Variants in MDN1 observed in about 807,000 individuals in gnomAD.
MDN1 encodes midasin AAA ATPase 1.
MDN1 carries 266 observed loss-of-function variants against 669.2 expected under a neutral mutation model. That is an observed-to-expected ratio of 0.40 (90% CI 0.36 to 0.44). The LOEUF is 0.44. Ranked by LOEUF, MDN1 falls within the 20% of genes least tolerant of loss-of-function variation. The pLI is 1.00. For missense variants in MDN1, 5,940 were observed against 6,754.0 expected (o/e 0.88, Z 4.22); for synonymous variants, 2,385 against 2,457.1 (o/e 0.97, Z 0.87).
Position 89,696,388 on chromosome 6 carries a change from T to A in MDN1, c.9355A>T (p.Met3119Leu). 6.2e-7 allele frequency: 1 copy of A among 1,614,138 alleles called. No homozygotes were observed. Among genetic ancestry groups the A allele is most frequent in the South Asian group, 1.1e-5 (1 of 91,084 alleles). Reference sequence around the variant, plus strand: ...AATTCTGCTACTGAAGAGATAGCCATGTTAGTCCAAAGCATCGAACTGATG... The same window carrying A: ...AATTCTGCTACTGAAGAGATAGCCAAGTTAGTCCAAAGCATCGAACTGATG... ...QDISSMLWTNMAISSVAEFRR... is the reference protein window; with the variant it reads ...QDISSMLWTNLAISSVAEFRR... The change falls in exon 60 of 102, where the codon ATG (methionine) becomes TTG (leucine). Residue 3119 changes from methionine (M) to leucine (L), a missense_variant. Physicochemically the swap from Met to Leu is conservative, Grantham distance 15 (BLOSUM62 2). Around this residue, in one of 5 missense-constraint regions of MDN1, gnomAD observed 2,292 missense variants for 2,638.3 expected, o/e 0.87. Transcript: ENST00000369393.
At chr6:89,812,433 A>G (rs369202375) in intron 1 of MDN1, among the ~76,000 whole-genome samples, 2 of 152,052 alleles carry the variant, frequency 1.3e-5, no homozygotes, top group Non-Finnish European at 2.9e-5. Context: ...TTCTCTTCCC[A>G]CCAAAAATAC....
At chr6:89,645,371 G>A (rs1808429233) in intron 100 of MDN1, among the ~76,000 whole-genome samples, 1 of 152,138 alleles carries the variant, frequency 6.6e-6, no homozygotes, top group Admixed American at 6.6e-5. Context: ...GGCATAATAA[G>A]GGATACTAAG....
At chr6:89,658,115 T>C (rs1319982574) in intron 90 of MDN1, 94 bp downstream of exon 90, 39 of 1,473,920 alleles carry the variant, frequency 2.6e-5, no homozygotes, top group Non-Finnish European at 3.2e-5. Flanking sequence ...TAACCAAACA[T>C]AAACCAACTA....
chr6:89,718,550 G>A lies in MDN1; in HGVS notation c.6399C>T (p.Leu2133=), dbSNP rs1490708814. 1 of 1,613,984 alleles carries A rather than the reference G, an allele frequency of 6.2e-7. No individual in the cohort carries two copies. Among genetic ancestry groups the A allele is most frequent in the Non-Finnish European group, 8.5e-7 (1 of 1,180,022 alleles). The part of the protein sequence containing the change: ...GTVRALLRDS[L]LISADDAEVV... ...CTTCTGCATCATCAGCACTGATAAG[G>A]AGGCTATCCCTTAACAGTGCCCTTA... The change falls in exon 43 of 102, where the codon CTC becomes CTT. Residue 2133 remains leucine, a synonymous_variant. Coordinates refer to ENST00000369393, the MANE Select transcript of MDN1 (RefSeq NM_014611.3).
intron 11 of MDN1, among the ~76,000 whole-genome samples, chr6:89,778,203 T>TAA (rs71556528): frequency 9.2e-4 from 126 of 136,820 alleles, no homozygotes; most frequent in East Asian, 6.4e-3. Flanking sequence ...TCTCAACTAA[T>TAA]AAAAAAAAAA....
chr6:89,690,159 G>C lies in MDN1; in HGVS notation c.10750-16C>G. 2.5e-6 allele frequency: 4 copies of C among 1,607,948 alleles called. No individual in the cohort carries two copies. The highest frequency in any genetic ancestry group is 3.4e-6 in the Non-Finnish European group (4 of 1,175,958). Reference sequence around the variant, plus strand: ...CTGCAAAGTCCTATAAATAGCATTAGAGCAATTGAACTTTTAAAAATCAGA... The same window carrying C: ...CTGCAAAGTCCTATAAATAGCATTACAGCAATTGAACTTTTAAAAATCAGA... On this transcript the variant is annotated splice_polypyrimidine_tract_variant and intron_variant, in intron 64 of 101. Coordinates refer to ENST00000369393, the MANE Select transcript of MDN1 (RefSeq NM_014611.3).
intron 2 of MDN1, among the ~76,000 whole-genome samples, chr6:89,798,690 C>T (rs1296609711): frequency 6.6e-6 from 1 of 152,144 alleles, no homozygotes; most frequent in East Asian, 1.9e-4. Context: ...GATGAAAATA[C>T]TAAAAACCAC....
chr6:89,757,802 T>C (rs1817328312), intron 19 of MDN1, among the ~76,000 whole-genome samples: 1 of 151,752 alleles, frequency 6.6e-6, no homozygotes, highest in Admixed American at 6.6e-5. Context: ...TCCCAGCACT[T>C]TGGGAGGCTG....
rs1249891664 is a variant in MDN1 at position 89,662,295 on chromosome 6, T to G, written c.14413-56A>C. 22 of 1,551,540 alleles carry G rather than the reference T, an allele frequency of 1.4e-5. No individual in the cohort carries two copies. In the East Asian group the frequency reaches 4.1e-4, roughly 29 times the overall value. On this transcript the variant is annotated intron_variant, in intron 86 of 101. Transcript: ENST00000369393. Reference sequence around the variant, plus strand: ...CACACTCAATCCAAGAAACTGCTTCTGCATGGGTTGACTTTTAGACATGCA... The same window carrying G: ...CACACTCAATCCAAGAAACTGCTTCGGCATGGGTTGACTTTTAGACATGCA...
chr6:89,791,330 A>G (rs1819257900), intron 5 of MDN1, among the ~76,000 whole-genome samples: 1 of 152,186 alleles, frequency 6.6e-6, no homozygotes, highest in South Asian at 2.1e-4. Context: ...GGAAATATGG[A>G]CACTGAGAGG....
Position 89,671,473 on chromosome 6 carries a change from T to C in MDN1, c.13795-393A>G, listed in dbSNP as rs117420923. ...GGGCAACATGGCAAAACCCCATTTCTACAAAAAATACCAAACAAAAAAAAC... is the reference window on the plus strand; with the variant it reads ...GGGCAACATGGCAAAACCCCATTTCCACAAAAAATACCAAACAAAAAAAAC... On this transcript the variant is annotated intron_variant, in intron 82 of 101. Coordinates refer to ENST00000369393, the MANE Select transcript of MDN1 (RefSeq NM_014611.3). Among the ~76,000 whole-genome samples the C allele has an allele frequency of 2.7e-3, 408 of 152,118 alleles. 12 individuals carry two copies. The East Asian group carries it at 0.067, about 25-fold the overall frequency.
At position 89,693,121 on chromosome 6, in the gene MDN1, C is replaced by A. The variant is rs9351212; in HGVS notation, c.9909G>T (p.Leu3303=). 280,408 of 1,603,706 alleles carry A rather than the reference C, an allele frequency of 0.17. 26,315 individuals are homozygous for A. The highest frequency in any genetic ancestry group is 0.19 in the Non-Finnish European group (224,117 of 1,175,728). The part of the protein sequence containing the change: ...VRLLRQRMDR[L]DNLTCHLLKK... ...TCAACAGGTGACAGGTTAAATTATC[C>A]AGCCGATCCATCCTTTGGCGAAGCA... The change falls in exon 63 of 102, where the codon CTG becomes CTT. Residue 3303 remains leucine (L), a synonymous_variant. Transcript: ENST00000369393.
chr6:89,714,715 T>A lies in MDN1; in HGVS notation c.6897A>T (p.Ile2299=). The change falls in exon 46 of 102, where the codon ATA becomes ATT. Residue 2299 remains isoleucine (I), a synonymous_variant. Coordinates refer to ENST00000369393, the MANE Select transcript of MDN1 (RefSeq NM_014611.3). The stretch of plus-strand genomic sequence containing the variant: ...GTCCACGATTCCTCATAGCTCGGGA[T>A]ATATCTCCATGAACAGGATCCATCG... The part of the protein sequence containing the change: ...FLSMDPVHGD[I]SRAMRNRGLE... The A allele has an allele frequency of 3.1e-6, 5 of 1,614,084 alleles. No homozygotes were observed. Among genetic ancestry groups the A allele is most frequent in the Non-Finnish European group, 4.2e-6 (5 of 1,180,002 alleles).
At chr6:89,656,897 C>T in intron 90 of MDN1, 96 bp from the exon 91 acceptor site, 1 of 1,017,362 alleles carries the variant, frequency 9.8e-7, no homozygotes, top group Non-Finnish European at 1.5e-6. Context: ...TCACTGCTGT[C>T]CTTTATTCTC....
chr6:89,673,650 C>G lies in MDN1; in HGVS notation c.13248-188G>C. The G allele has an allele frequency of 7.0e-6, 4 of 572,228 alleles. No individual in the cohort carries two copies. In the South Asian group the frequency reaches 9.9e-5, roughly 14 times the overall value. The allele number at this position is 572,228 out of a possible 1,614,324, so 35.4% of individuals were successfully genotyped here. Reference sequence around the variant, plus strand: ...CAGAGGACTGAAGCACAATTATTTTCATAATTTGATTCTATTACTAAACAC... The same window carrying G: ...CAGAGGACTGAAGCACAATTATTTTGATAATTTGATTCTATTACTAAACAC... On this transcript the variant is annotated intron_variant, in intron 79 of 101. Coordinates refer to ENST00000369393, the MANE Select transcript of MDN1 (RefSeq NM_014611.3).
At chr6:89,662,310 T>C in intron 86 of MDN1, 71 bp from the exon 87 acceptor site, 1 of 1,484,668 alleles carries the variant, frequency 6.7e-7, no homozygotes, top group Non-Finnish European at 9.1e-7. Context: ...GGGTTGACTT[T>C]TAGACATGCA....
At position 89,774,254 on chromosome 6, in the gene MDN1, A is replaced by C. The variant is rs1818245281; in HGVS notation, c.1934+367T>G. 2.6e-5 allele frequency among the ~76,000 whole-genome samples: 4 copies of C among 152,250 alleles called. No individual in the cohort carries two copies. The South Asian group carries it at 8.3e-4, about 31-fold the overall frequency. The stretch of plus-strand genomic sequence containing the variant: ...TTAGTACAAAGTCAGACATGTAATA[A>C]GTATTTAATGTTACCTCGATCTCAG... On this transcript the variant is annotated intron_variant, in intron 13 of 101. Coordinates refer to ENST00000369393, the MANE Select transcript of MDN1 (RefSeq NM_014611.3).
At chr6:89,780,322 CAAAGA>C (rs1336313206) in intron 10 of MDN1, 29 bp from the exon 11 acceptor site, 2 of 1,454,236 alleles carry the variant, frequency 1.4e-6, no homozygotes, top group Non-Finnish European at 1.9e-6. Context: ...AAAGAAAAAA[CAAAGA>C]AAAGACCACA....
Position 89,707,387 on chromosome 6 carries a change from A to C in MDN1, c.7988T>G (p.Leu2663Trp), listed in dbSNP as rs1440794201. 1.9e-6 allele frequency: 3 copies of C among 1,613,394 alleles called. No homozygotes were observed. The highest frequency in any genetic ancestry group is 2.5e-6 in the Non-Finnish European group (3 of 1,179,292). The stretch of plus-strand genomic sequence containing the variant: ...TTGATGGAATTCAAAGGACATTCTC[A>C]AAACACTCTCTCTTAGCTTTTTGCT... ...VGSKKLRESV[L>W]RMSFEFHQDP... is the part of the protein sequence containing the mutation. The change falls in exon 52 of 102, where the codon TTG (leucine) becomes TGG (tryptophan). Residue 2663 changes from leucine (L) to tryptophan (W), a missense_variant. Transcript: ENST00000369393.
Sources: gnomAD v4.1 joint callset for allele counts (sites outside exome capture counted in the v4.1 genomes callset) on GRCh38, gnomAD v4.1.1 for gene constraint, gnomAD v4.1.1 regional missense constraint, MANE v1.5 for transcripts, NCBI Gene and HGNC (gene_info 2026-07-23, HGNC 2026-07-21) for gene names.